FBXL18: variants seen among roughly 807,000 people sequenced by gnomAD.
The protein encoded by FBXL18 is F-box/LRR-repeat protein 18.
Under a neutral mutation model 46.0 loss-of-function variants are expected in FBXL18, and 36 were observed. The observed-to-expected ratio is 0.78, with a 90% CI of 0.60 to 1.03. The LOEUF is 1.03. Among genes scored for constraint, FBXL18 ranks in the 50% least tolerant of loss-of-function variants. The pLI, the probability that FBXL18 is intolerant of heterozygous loss-of-function variation, is 0.00. For missense variants in FBXL18, 977 were observed against 1,004.1 expected (o/e 0.97, Z 0.36); for synonymous variants, 557 against 465.3 (o/e 1.20, Z -2.54).
In FBXL18 at chr7:5,459,222, G is replaced by A. The variant is rs117796470; in HGVS notation, c.2001-11379C>T. ...GACCTACTCCAGAACTCAGGCCGGC[G>A]GTAGGATTTTACCAGACACAGGTCT... On this transcript the variant is annotated intron_variant and NMD_transcript_variant, in intron 4 of 6. Coordinates refer to the FBXL18 transcript ENST00000415009. Among the ~76,000 whole-genome samples the A allele has an allele frequency of 1.3e-3, 202 of 152,308 alleles. 2 individuals carry two copies. In the East Asian group the frequency reaches 0.026, roughly 19 times the overall value.
In FBXL18 at chr7:5,462,950, C is replaced by CAAAAAAAAAAAA. The variant is rs138208570; in HGVS notation, c.2001-15119_2001-15108dup. On this transcript the variant is annotated intron_variant and NMD_transcript_variant, in intron 4 of 6. Transcript: ENST00000415009. ...TGGGCGACAGAGTGAGACTTGGTCT[C>CAAAAAAAAAAAA]AAAAAAAAAAAAAAAAAAAATATAT... 2.9e-3 allele frequency among the ~76,000 whole-genome samples: 65 copies of CAAAAAAAAAAAA among 22,356 alleles called. 4 individuals are homozygous for CAAAAAAAAAAAA. Among genetic ancestry groups the CAAAAAAAAAAAA allele is most frequent in the African/African-American group, 4.1e-3 (31 of 7,510 alleles). 14.7% of individuals were successfully genotyped at this position (22,356 alleles called of 152,430 possible).
chr7:5,482,016 C>T (rs1182380765), intron 4 of FBXL18, 85 bp from the exon 5 acceptor site: 128 of 1,472,136 alleles, frequency 8.7e-5, no homozygotes, highest in Non-Finnish European at 1.2e-4. Flanking sequence ...GAGGCACTCA[C>T]ACCTGCCTCC....
intron 4 of FBXL18, among the ~76,000 whole-genome samples, chr7:5,461,909 C>G (rs531122403): frequency 2.0e-5 from 3 of 152,180 alleles, no homozygotes; most frequent in South Asian, 2.1e-4. Context: ...CCACTGCACT[C>G]CAGCCTGGGA....
rs575757489 is a variant in FBXL18, at chr7:5,455,667, G to C, written c.2001-7824C>G. 6.6e-5 allele frequency among the ~76,000 whole-genome samples: 10 copies of C among 152,158 alleles called. No individual in the cohort carries two copies. The highest frequency in any genetic ancestry group is 2.4e-4 in the African/African-American group (10 of 41,506). On this transcript the variant is annotated intron_variant and NMD_transcript_variant, in intron 4 of 6. Transcript: ENST00000415009. The surrounding 1 kb of genome is among the most constrained non-coding windows in gnomAD (Gnocchi z 4.6). ...TGACCATCCACTTCCCCGCAGGGGG[G>C]CTCAAACCCAGGCTGTGAATTCGGG...
chr7:5,473,127 C>T (rs1487581985), downstream of FBXL18, among the ~76,000 whole-genome samples: 2 of 152,140 alleles, frequency 1.3e-5, no homozygotes, highest in Non-Finnish European at 2.9e-5. Context: ...CACCAGGGGA[C>T]GGTGTGTACA....
chr7:5,459,576 T>C (rs1014012223), intron 4 of FBXL18, among the ~76,000 whole-genome samples: 3 of 151,750 alleles, frequency 2.0e-5, no homozygotes, highest in Non-Finnish European at 4.4e-5. Flanking sequence ...CCGTCTCTAC[T>C]AAAAATACAA....
intron 4 of FBXL18, among the ~76,000 whole-genome samples, chr7:5,461,732 G>A (rs1232243625): frequency 6.6e-6 from 1 of 152,148 alleles, no homozygotes; most frequent in African/African-American, 2.4e-5. Context: ...CCTGAGGTCA[G>A]GAGTTTGAGA....
chr7:5,474,543 T>A, downstream of FBXL18, among the ~76,000 whole-genome samples: 1 of 152,056 alleles, frequency 6.6e-6, no homozygotes. Flanking sequence ...CTCAAACTCC[T>A]GGGCACAAGT....
chr7:5,465,540 T>C (rs1487221138), intron 4 of FBXL18, among the ~76,000 whole-genome samples: 1 of 152,078 alleles, frequency 6.6e-6, no homozygotes, highest in Non-Finnish European at 1.5e-5. Flanking sequence ...AGTGGTGCGA[T>C]CATAGCTCAC....
At position 5,501,532 on chromosome 7, in the gene FBXL18, A is replaced by C; in HGVS notation, c.737T>G (p.Val246Gly). ...AAGCACAGCCAGGTAGAGCCGCACC[A>C]CCTCCTGGTTGATGTAGCCGGGGGC... Reference protein sequence around the residue: ...RLAPGYINQEVVRLYLAVLSD... With the variant: ...RLAPGYINQEGVRLYLAVLSD... Residue 246 changes from valine (V) to glycine (G), a missense_variant, in exon 3 of 5, where the codon GTG becomes GGG. Coordinates refer to ENST00000382368, the MANE Select transcript of FBXL18 (RefSeq NM_024963.6). The C allele has an allele frequency of 6.2e-7, 1 of 1,613,616 alleles. No individual in the cohort carries two copies. Among genetic ancestry groups the C allele is most frequent in the Non-Finnish European group, 8.5e-7 (1 of 1,179,952 alleles).
In FBXL18 at chr7:5,496,338, G is replaced by A. The variant is rs919934194; in HGVS notation, c.1781+4150C>T. On this transcript the variant is annotated intron_variant, in intron 3 of 4. Coordinates refer to ENST00000382368, the MANE Select transcript of FBXL18 (RefSeq NM_024963.6). The surrounding 1 kb of genome is among the most constrained non-coding windows in gnomAD (Gnocchi z 4.8). ...GCCGTCACCTCTGCCTCTTGCTTCC[G>A]GAACACCCCCTCCCTCCGGCCAGTG... Among the ~76,000 whole-genome samples the A allele has an allele frequency of 6.4e-4, 98 of 152,104 alleles. No homozygotes were observed. Among genetic ancestry groups the A allele is most frequent in the African/African-American group, 2.2e-3 (92 of 41,414 alleles).
chr7:5,477,907 G>C lies in FBXL18; in HGVS notation c.*3868C>G, dbSNP rs1385714098. ...TGGTCTGGAGCTTCATTGGCCGGCA[G>C]GGGCCCAGCCCTCAGCTGTTGGAGC... On this transcript the variant is annotated 3_prime_UTR_variant, in exon 5 of 5. Transcript: ENST00000382368. This position sits in a 1 kb window ranked among gnomAD's most constrained non-coding sequence, Gnocchi z 4.4. 1 of 152,474 alleles carries C rather than the reference G, an allele frequency of 6.6e-6. No individual in the cohort carries two copies. Among genetic ancestry groups the C allele is most frequent in the African/African-American group, 2.4e-5 (1 of 41,484 alleles). The allele number at this position is 152,474 out of a possible 1,614,324, so 9.4% of individuals were successfully genotyped here.
intron 4 of FBXL18, among the ~76,000 whole-genome samples, 191 bp from the exon 5 acceptor site, chr7:5,482,122 G>A (rs1006958300): frequency 6.6e-6 from 1 of 152,220 alleles, no homozygotes; most frequent in African/African-American, 2.4e-5. Flanking sequence ...GACAGAGCTG[G>A]GGAGGAGCAC....
chr7:5,492,257 G>T (rs1313491990), intron 3 of FBXL18, among the ~76,000 whole-genome samples: 1 of 150,602 alleles, frequency 6.6e-6, no homozygotes, highest in Non-Finnish European at 1.5e-5. Flanking sequence ...AGAAGGACAG[G>T]CCATGTCTCG....
At chr7:5,503,952 G>A (rs1377240073) in intron 2 of FBXL18, among the ~76,000 whole-genome samples, 2 of 150,022 alleles carry the variant, frequency 1.3e-5, no homozygotes, top group African/African-American at 5.0e-5. Flanking sequence ...GGGCAACAGA[G>A]TGAGACCTCG....
At chr7:5,499,241 C>G (rs1784165182) in intron 3 of FBXL18, among the ~76,000 whole-genome samples, 1 of 152,152 alleles carries the variant, frequency 6.6e-6, no homozygotes, top group Non-Finnish European at 1.5e-5. Context: ...TGCTCCCTCT[C>G]CCGGGTGAAA....
intron 1 of FBXL18, among the ~76,000 whole-genome samples, chr7:5,508,562 T>A (rs1218683844): frequency 4.0e-5 from 6 of 150,406 alleles, no homozygotes; most frequent in Middle Eastern, 3.5e-3. Context: ...TGAGCTAGGA[T>A]CTTGCCACTG....
At chr7:5,485,920 G>A (rs1270096151) in intron 4 of FBXL18, among the ~76,000 whole-genome samples, 3 of 152,028 alleles carry the variant, frequency 2.0e-5, no homozygotes, top group Non-Finnish European at 2.9e-5. Context: ...TTAGCCGGGC[G>A]TGGTGGCACA....
chr7:5,484,001 A>G (rs1018928666), intron 4 of FBXL18, among the ~76,000 whole-genome samples: 1 of 152,170 alleles, frequency 6.6e-6, no homozygotes. Context: ...TTCGGCAATA[A>G]AGACGCCATC....
Sources: allele counts gnomAD v4.1 joint callset (sites outside exome capture counted in the v4.1 genomes callset), GRCh38; gene constraint gnomAD v4.1.1; non-coding constraint Gnocchi (gnomAD v3.1); transcripts MANE v1.5; gene names NCBI Gene and HGNC (gene_info 2026-07-23, HGNC 2026-07-21).